Variants in EDIL3 observed in about 807,000 individuals in gnomAD.
The protein encoded by EDIL3 is EGF like and discoidin domains 3, also known as EGF-like repeat and discoidin I-like domain-containing protein 3.
EDIL3 carries 37 observed loss-of-function variants against 67.4 expected under a neutral mutation model. That is an observed-to-expected ratio of 0.55 (90% CI 0.42 to 0.72). The LOEUF (loss-of-function observed/expected upper bound fraction) is 0.72, where lower values mean the gene tolerates loss of function less well. EDIL3 is among the 30% of genes least tolerant of loss of function. EDIL3 has a pLI of 0.00. For synonymous variants in EDIL3, 195 were observed against 196.3 expected (o/e 0.99, Z 0.05); for missense variants, 527 against 586.3 (o/e 0.90, Z 1.04).
chr5:83,991,056 A>ATGAAAGGTGAAGCACACTG (rs1278940552), intron 9 of EDIL3, among the ~76,000 whole-genome samples: 2 of 152,178 alleles, frequency 1.3e-5, no homozygotes, highest in Non-Finnish European at 2.9e-5. Context: ...CTGTACAGCA[A>ATGAAAGGTGAAGCACACTG]TATCTTTAGG....
At chr5:84,345,741 T>C (rs1747224241) in intron 1 of EDIL3, among the ~76,000 whole-genome samples, 1 of 152,104 alleles carries the variant, frequency 6.6e-6, no homozygotes, top group Admixed American at 6.5e-5. Context: ...TTTTAAAAGG[T>C]CTAGAAAATT....
intron 9 of EDIL3, among the ~76,000 whole-genome samples, chr5:84,049,022 T>A (rs1255353860): frequency 6.6e-6 from 1 of 152,134 alleles, no homozygotes; most frequent in African/African-American, 2.4e-5. Flanking sequence ...AAGCCAGTGA[T>A]AACAGACACA....
intron 1 of EDIL3, among the ~76,000 whole-genome samples, chr5:84,276,382 G>A (rs1411147093): frequency 6.6e-6 from 1 of 152,132 alleles, no homozygotes; most frequent in Non-Finnish European, 1.5e-5. Context: ...AATTCAAGAT[G>A]TGCTTTCAGA....
chr5:84,263,953 G>A (rs1048505469), intron 1 of EDIL3, among the ~76,000 whole-genome samples: 2 of 152,170 alleles, frequency 1.3e-5, no homozygotes, highest in African/African-American at 4.8e-5. Flanking sequence ...AACTGAAGGA[G>A]TTCTGGCCAG....
intron 6 of EDIL3, among the ~76,000 whole-genome samples, chr5:84,068,860 C>T (rs1375241324): frequency 6.6e-6 from 1 of 152,086 alleles, no homozygotes; most frequent in African/African-American, 2.4e-5. Context: ...AAATTTAATA[C>T]CAGTAAACTA....
intron 9 of EDIL3, among the ~76,000 whole-genome samples, chr5:84,025,460 C>T (rs1309740412): frequency 6.6e-6 from 1 of 152,160 alleles, no homozygotes; most frequent in Non-Finnish European, 1.5e-5. Flanking sequence ...AGGGCTCCCA[C>T]TGACTCTATA....
At chr5:83,948,223 C>A (rs1320173779) in intron 10 of EDIL3, among the ~76,000 whole-genome samples, 1 of 151,536 alleles carries the variant, frequency 6.6e-6, no homozygotes, top group Non-Finnish European at 1.5e-5. Context: ...ATAAAGCAAC[C>A]ATTTATATAT....
intron 2 of EDIL3, among the ~76,000 whole-genome samples, chr5:84,249,377 TTCTATCTATCTATCTA>T (rs72278901): frequency 0.014 from 2,061 of 144,274 alleles, 26 homozygotes; most frequent in African/African-American, 0.03. Flanking sequence ...CAACATATCT[TTCTATCTATCTATCTA>T]TCTATCTATC....
At chr5:84,212,937 C>G (rs1459943290) in intron 3 of EDIL3, among the ~76,000 whole-genome samples, 1 of 151,218 alleles carries the variant, frequency 6.6e-6, no homozygotes, top group Non-Finnish European at 1.5e-5. Flanking sequence ...CTTAACCTAC[C>G]ACTACCCACC....
intron 2 of EDIL3, among the ~76,000 whole-genome samples, chr5:84,235,968 A>G (rs902373892): frequency 6.6e-6 from 1 of 152,096 alleles, no homozygotes; most frequent in African/African-American, 2.4e-5. Context: ...ACTATGATTT[A>G]TTAATTAAGT....
chr5:84,005,898 A>G (rs1206499046), intron 9 of EDIL3, among the ~76,000 whole-genome samples: 1 of 152,038 alleles, frequency 6.6e-6, no homozygotes, highest in African/African-American at 2.4e-5. Flanking sequence ...CTCGCAGATG[A>G]TATGATTTTA....
chr5:84,167,088 C>T (rs192987371), intron 4 of EDIL3, among the ~76,000 whole-genome samples: 6 of 152,126 alleles, frequency 3.9e-5, no homozygotes, highest in South Asian at 2.1e-4. Flanking sequence ...CTTATTACTA[C>T]GTATATTTGA....
chr5:84,050,518 C>T lies in EDIL3; in HGVS notation c.1137+9782G>A, dbSNP rs539893376. Among the ~76,000 whole-genome samples, 106 of 152,306 alleles carry T rather than the reference C, an allele frequency of 7.0e-4. No individual in the cohort carries two copies. In the South Asian group the frequency reaches 0.019, roughly 27 times the overall value. The stretch of plus-strand genomic sequence containing the variant: ...CGTGAGCTGAAGCAGGGCGAGGCAT[C>T]GCCTCACCTGGGAAGTGCAAGGGGT... On this transcript the variant is annotated intron_variant, in intron 9 of 10. Coordinates refer to ENST00000296591, the MANE Select transcript of EDIL3 (RefSeq NM_005711.5).
At chr5:84,142,364 T>C (rs1221002812) in intron 4 of EDIL3, among the ~76,000 whole-genome samples, 1 of 152,008 alleles carries the variant, frequency 6.6e-6, no homozygotes, top group African/African-American at 2.4e-5. Flanking sequence ...TTGAGTCTAA[T>C]TCCCAGGAAT....
At chr5:84,160,868 A>G (rs933181701) in intron 4 of EDIL3, among the ~76,000 whole-genome samples, 1 of 105,630 alleles carries the variant, frequency 9.5e-6, no homozygotes, top group Non-Finnish European at 2.0e-5. Flanking sequence ...TTTTCTTTCA[A>G]TAGTTTTGGG....
At chr5:84,047,308 A>T (rs1386712091) in intron 9 of EDIL3, among the ~76,000 whole-genome samples, 2 of 152,104 alleles carry the variant, frequency 1.3e-5, no homozygotes, top group African/African-American at 4.8e-5. Flanking sequence ...ATCACTTACT[A>T]TATCTTACTT....
intron 1 of EDIL3, among the ~76,000 whole-genome samples, chr5:84,277,022 T>G (rs1379712764): frequency 6.6e-6 from 1 of 152,214 alleles, no homozygotes; most frequent in Non-Finnish European, 1.5e-5. Context: ...ATTGTTATTC[T>G]GTAATCTTAG....
chr5:84,156,221 G>A (rs904037410), intron 4 of EDIL3, among the ~76,000 whole-genome samples: 15 of 152,140 alleles, frequency 9.9e-5, no homozygotes, highest in African/African-American at 3.6e-4. Flanking sequence ...ATATGAAGGA[G>A]GAATAGGGAA....
Position 84,058,328 on chromosome 5 carries a change from A to T in EDIL3, c.1137+1972T>A, listed in dbSNP as rs548718005. Among the ~76,000 whole-genome samples the T allele has an allele frequency of 1.1e-4, 16 of 151,038 alleles. No homozygotes were observed. In the South Asian group the frequency reaches 2.5e-3, roughly 24 times the overall value. ...GGGTTTTAAACAGGAGAGTAAGAGA[A>T]TCATATTTACCTTTTAGGAAAACAC... is the stretch of plus-strand genomic sequence containing the variant. On this transcript the variant is annotated intron_variant, in intron 9 of 10. Coordinates refer to ENST00000296591, the MANE Select transcript of EDIL3 (RefSeq NM_005711.5).
Sources: gnomAD v4.1 joint callset for allele counts (sites outside exome capture counted in the v4.1 genomes callset) on GRCh38, gnomAD v4.1.1 for gene constraint, MANE v1.5 for transcripts, NCBI Gene and HGNC (gene_info 2026-07-23, HGNC 2026-07-21) for gene names.